The following RBPJ variants were observed in gnomAD, a reference collection of about 807,000 sequenced individuals.
RBPJ encodes recombining binding protein suppressor of hairless.
RBPJ carries 9 observed loss-of-function variants against 67.8 expected under a neutral mutation model. That is an observed-to-expected ratio of 0.13 (90% confidence interval 0.08 to 0.23). The LOEUF (loss-of-function observed/expected upper bound fraction) is 0.23, where lower values mean the gene tolerates loss of function less well. Among genes scored for constraint, RBPJ ranks in the 10% least tolerant of loss-of-function variants. RBPJ has a pLI of 1.00. For synonymous variants in RBPJ, 198 were observed against 203.3 expected, an observed-to-expected ratio of 0.97 and a Z score of 0.22; for missense variants, 305 against 595.6, an observed-to-expected ratio of 0.51 and a Z score of 5.08.
At chr4:26,362,136 C>T (rs959304723) in intron 1 of RBPJ, among the ~76,000 whole-genome samples, 2 of 152,092 alleles carry the variant, frequency 1.3e-5, no homozygotes, top group East Asian at 1.9e-4. Context: ...GAATAGTGGT[C>T]GTTGAGAAGC....
chr4:26,422,212 T>C lies in RBPJ; in HGVS notation c.496+1487T>C, dbSNP rs1331382329. Among the ~76,000 whole-genome samples, 15 of 13,340 alleles carry C rather than the reference T, an allele frequency of 1.1e-3. No individual in the cohort carries two copies. The East Asian group carries it at 0.036, about 32-fold the overall frequency. The allele number at this position is 13,340 out of a possible 152,430, so 8.8% of individuals were successfully genotyped here. A position where few individuals can be genotyped will look rare whatever the true frequency, so the allele number is the denominator to read the frequency against. On this transcript the variant is annotated intron_variant, in intron 5 of 10. Coordinates refer to ENST00000355476, the MANE Select transcript of RBPJ (RefSeq NM_015874.6). ...GAAGTCATAATATCTGATTATCCCC[T>C]TTTTTTTTTTTGGTCATGTTGAGAT...
At chr4:26,380,104 T>G (rs1487870966) in intron 1 of RBPJ, among the ~76,000 whole-genome samples, 1 of 152,206 alleles carries the variant, frequency 6.6e-6, no homozygotes, top group Non-Finnish European at 1.5e-5. Flanking sequence ...TCTTCTTGTG[T>G]GACTTAAGCT....
chr4:26,316,430 T>TATATACATTC (rs1450609905), upstream of RBPJ, among the ~76,000 whole-genome samples: 15 of 127,566 alleles, frequency 1.2e-4, no homozygotes, highest in African/African-American at 4.4e-4. Flanking sequence ...TATACATTCA[T>TATATACATTC]ATATACATTC....
At chr4:26,314,217 AATAAAT>A (rs1722530236) in intron 1 of RBPJ, among the ~76,000 whole-genome samples, 1 of 152,232 alleles carries the variant, frequency 6.6e-6, no homozygotes, top group African/African-American at 2.4e-5. Context: ...TCTGCTTATT[AATAAAT>A]ATACTCTTTC....
the RBPJ span, among the ~76,000 whole-genome samples, chr4:26,151,350 T>C: frequency 6.6e-6 from 1 of 152,254 alleles, no homozygotes; most frequent in Non-Finnish European, 1.5e-5. Flanking sequence ...CTCTTTTTTG[T>C]GATCTGCTGA....
intron 1 of RBPJ, among the ~76,000 whole-genome samples, chr4:26,188,189 A>G (rs1315051301): frequency 6.6e-6 from 1 of 152,122 alleles, no homozygotes. Flanking sequence ...AGCCTGGACG[A>G]CAGAGCAAGA....
At chr4:26,340,704 A>G (rs980395250) in intron 1 of RBPJ, among the ~76,000 whole-genome samples, 2 of 151,990 alleles carry the variant, frequency 1.3e-5, no homozygotes, top group African/African-American at 2.4e-5. Context: ...CTAAAAATAT[A>G]ATAAATTAGC....
chr4:26,137,576 G>A, the RBPJ span, among the ~76,000 whole-genome samples: 4 of 152,162 alleles, frequency 2.6e-5, no homozygotes, highest in Admixed American at 6.5e-5. Context: ...GCAGGCCACC[G>A]TACCTCTCCG....
At position 26,346,546 on chromosome 4, in the gene RBPJ, A is replaced by C. The variant is rs73809422; in HGVS notation, c.20+25498A>C. 5.0e-3 allele frequency among the ~76,000 whole-genome samples: 757 copies of C among 152,328 alleles called. 10 individuals are homozygous for C. Among genetic ancestry groups the C allele is most frequent in the African/African-American group, 0.018 (735 of 41,578 alleles). On this transcript the variant is annotated intron_variant, in intron 1 of 10. Transcript: ENST00000355476. The stretch of plus-strand genomic sequence containing the variant: ...CACAACTGCTGACATCTATGTCTGT[A>C]GCTCGATTTTACAGTCTGCTCTTTG...
chr4:26,295,318 T>TA (rs1293993755), intron 1 of RBPJ, among the ~76,000 whole-genome samples: 4 of 151,638 alleles, frequency 2.6e-5, no homozygotes, highest in Non-Finnish European at 5.9e-5. Flanking sequence ...CACATGCACA[T>TA]ACGTGTGAGG....
At chr4:26,118,662 G>A in the RBPJ span, among the ~76,000 whole-genome samples, 33 of 152,292 alleles carry the variant, frequency 2.2e-4, no homozygotes, top group African/African-American at 7.7e-4. Flanking sequence ...GTAACACTAT[G>A]TCTTCTGACC....
intron 1 of RBPJ, among the ~76,000 whole-genome samples, chr4:26,369,301 A>C (rs1728928845): frequency 6.6e-6 from 1 of 152,244 alleles, no homozygotes; most frequent in African/African-American, 2.4e-5. Context: ...GGATTGGTAC[A>C]TCTGAAGGCC....
At chr4:26,215,594 T>C (rs1019550326) in intron 1 of RBPJ, among the ~76,000 whole-genome samples, 3 of 152,130 alleles carry the variant, frequency 2.0e-5, no homozygotes, top group Non-Finnish European at 4.4e-5. Context: ...TATCTAGAAG[T>C]GAACGATTTT....
chr4:26,333,563 T>A lies in RBPJ; in HGVS notation c.20+12515T>A, dbSNP rs758817215. On this transcript the variant is annotated intron_variant, in intron 1 of 10. Coordinates refer to ENST00000355476, the MANE Select transcript of RBPJ (RefSeq NM_015874.6). ...AAAAAGTTTTTTAAATTAAAAAAAA[T>A]TTTTTTTTTGAGATGGACGTCTCAC... 1.9e-3 allele frequency among the ~76,000 whole-genome samples: 284 copies of A among 151,436 alleles called. 4 individuals carry two copies. The highest frequency in any genetic ancestry group is 1.6e-3 in the Non-Finnish European group (107 of 67,714).
At chr4:26,382,347 G>T (rs980201982) in intron 1 of RBPJ, among the ~76,000 whole-genome samples, 6 of 152,098 alleles carry the variant, frequency 3.9e-5, no homozygotes, top group Non-Finnish European at 7.4e-5. Flanking sequence ...GATTATTTTG[G>T]TTGCATAAAA....
At chr4:26,114,389 GGAGCTTGCAGT>G in the RBPJ span, among the ~76,000 whole-genome samples, 2 of 150,938 alleles carry the variant, frequency 1.3e-5, no homozygotes, top group Non-Finnish European at 3.0e-5. Context: ...CCCGGGAGAT[GGAGCTTGCAGT>G]GAGCCAAGAT....
At chr4:26,112,497 C>G in the RBPJ span, 3 of 146,996 alleles carry the variant, frequency 2.0e-5, no homozygotes, top group Admixed American at 6.8e-5. Context: ...TTTTGACCAA[C>G]CTTTTGAGTA....
chr4:26,361,315 T>TTA (rs1256549919), intron 1 of RBPJ, among the ~76,000 whole-genome samples: 1 of 152,194 alleles, frequency 6.6e-6, no homozygotes, highest in Non-Finnish European at 1.5e-5. Flanking sequence ...GACCTACATT[T>TTA]TATAGTCTGC....
intron 1 of RBPJ, among the ~76,000 whole-genome samples, chr4:26,381,418 G>T (rs762944838): frequency 6.6e-6 from 1 of 151,984 alleles, no homozygotes; most frequent in African/African-American, 2.4e-5. Context: ...CATGTTTAAC[G>T]ATAGATTGCA....
Sources: allele counts gnomAD v4.1 joint callset (sites outside exome capture counted in the v4.1 genomes callset), GRCh38; gene constraint gnomAD v4.1.1; transcripts MANE v1.5; gene names NCBI Gene and HGNC (gene_info 2026-07-23, HGNC 2026-07-21).